The following SLAIN1 variants were observed in gnomAD, a reference collection of about 807,000 sequenced individuals.
SLAIN1 encodes the protein SLAIN motif-containing protein 1.
In SLAIN1, 17 loss-of-function variants were observed where a neutral mutation model predicts 55.4. That is an observed-to-expected ratio of 0.31 (90% confidence interval 0.21 to 0.46). The LOEUF (loss-of-function observed/expected upper bound fraction) is 0.46. Among genes scored for constraint, SLAIN1 ranks in the 20% least tolerant of loss-of-function variants. The probability of loss-of-function intolerance (pLI) is 1.00; values close to 1 mark genes in which losing one functional copy is unlikely to be tolerated. For synonymous variants in SLAIN1, 348 were observed against 337.4 expected, an observed-to-expected ratio of 1.03 and a Z score of -0.35; for missense variants, 682 against 785.1, an observed-to-expected ratio of 0.87 and a Z score of 1.57.
chr13:77,749,793 G>C (rs983219855), intron 4 of SLAIN1, among the ~76,000 whole-genome samples: 6 of 152,180 alleles, frequency 3.9e-5, no homozygotes, highest in African/African-American at 1.4e-4. Context: ...GGAGATCACA[G>C]CTTTGTTCCA....
intron 1 of SLAIN1, chr13:77,699,253 ATTTT>A (rs908909911): frequency 5.5e-6 from 2 of 366,396 alleles, no homozygotes; most frequent in Non-Finnish European, 9.7e-6. Flanking sequence ...TTATTTATTT[ATTTT>A]TTTACCTAGG....
intron 5 of SLAIN1, among the ~76,000 whole-genome samples, chr13:77,756,269 G>C (rs1874598882): frequency 6.6e-6 from 1 of 151,716 alleles, no homozygotes. Context: ...AAATGAAATT[G>C]GTTGGCATTT....
chr13:77,705,385 T>C (rs139911356), intron 1 of SLAIN1, among the ~76,000 whole-genome samples: 176 of 152,096 alleles, frequency 1.2e-3, no homozygotes, highest in African/African-American at 4.0e-3. Flanking sequence ...AATAGTAGTT[T>C]GAAATGTATA....
At chr13:77,706,999 A>G (rs2091096527) in intron 1 of SLAIN1, among the ~76,000 whole-genome samples, 1 of 151,810 alleles carries the variant, frequency 6.6e-6, no homozygotes, top group Non-Finnish European at 1.5e-5. Flanking sequence ...GGGTTATTTT[A>G]TTTAATATAC....
intron 1 of SLAIN1, among the ~76,000 whole-genome samples, chr13:77,709,273 C>G (rs1594252875): frequency 1.3e-5 from 2 of 152,086 alleles, no homozygotes; most frequent in South Asian, 2.1e-4. Flanking sequence ...TGTGAAAAGA[C>G]CAAACCTACA....
At chr13:77,718,242 A>G (rs2091227516) in intron 1 of SLAIN1, among the ~76,000 whole-genome samples, 1 of 152,116 alleles carries the variant, frequency 6.6e-6, no homozygotes, top group South Asian at 2.1e-4. Flanking sequence ...ATACGGTTTT[A>G]TGTTTTTAAA....
At chr13:77,742,945 C>G (rs1271445999) in intron 2 of SLAIN1, 37 of 900,536 alleles carry the variant, frequency 4.1e-5, no homozygotes, top group Non-Finnish European at 5.1e-5. Context: ...ATTCTCTTCC[C>G]TTTCTCCTTC....
chr13:77,746,091 G>C (rs1873792370), intron 3 of SLAIN1, among the ~76,000 whole-genome samples: 1 of 152,070 alleles, frequency 6.6e-6, no homozygotes, highest in Admixed American at 6.6e-5. Context: ...TAAAAGTTGG[G>C]GGTGGGGAGC....
At chr13:77,705,618 G>A (rs2091081577) in intron 1 of SLAIN1, among the ~76,000 whole-genome samples, 1 of 151,350 alleles carries the variant, frequency 6.6e-6, no homozygotes, top group Non-Finnish European at 1.5e-5. Context: ...TTTTTGGAGG[G>A]TTAGAGCTAT....
chr13:77,748,186 TAAG>T (rs58705944), intron 4 of SLAIN1, among the ~76,000 whole-genome samples: 16,434 of 152,014 alleles, frequency 0.11, 914 homozygotes, highest in East Asian at 0.12. Flanking sequence ...TGATGCTAAT[TAAG>T]AGATCATTTG....
chr13:77,727,337 T>C (rs1448024527), intron 2 of SLAIN1, among the ~76,000 whole-genome samples: 1 of 152,134 alleles, frequency 6.6e-6, no homozygotes, highest in African/African-American at 2.4e-5. Context: ...AATTGTTTTT[T>C]GAATTGCCAG....
rs189546634 is a variant in SLAIN1 at position 77,740,158 on chromosome 13, A to G, written c.767-4125A>G. Among the ~76,000 whole-genome samples, 304 of 152,222 alleles carry G rather than the reference A, an allele frequency of 2.0e-3. 1 individual carries two copies. Among genetic ancestry groups the G allele is most frequent in the African/African-American group, 7.1e-3 (295 of 41,552 alleles). On this transcript the variant is annotated intron_variant, in intron 2 of 6. Transcript: ENST00000418532. ...AGTGAAATGAGCTGAAGTACCTTTAAGGTCTTGCATTTGATGAAAAGCCCC... is the reference window on the plus strand; with the variant it reads ...AGTGAAATGAGCTGAAGTACCTTTAGGGTCTTGCATTTGATGAAAAGCCCC...
At chr13:77,741,646 A>ATT (rs11330491) in intron 2 of SLAIN1, 156 of 141,532 alleles carry the variant, frequency 1.1e-3, no homozygotes, top group East Asian at 4.4e-3. Flanking sequence ...AGTAAAAGGA[A>ATT]TTTTTTTTTT....
At chr13:77,741,513 A>G in intron 2 of SLAIN1, 4 of 803,106 alleles carry the variant, frequency 5.0e-6, no homozygotes, top group Non-Finnish European at 6.0e-6. Context: ...GTTTCATGAA[A>G]TGTGTGGATT....
At chr13:77,734,792 G>T (rs1873038292) in intron 2 of SLAIN1, among the ~76,000 whole-genome samples, 1 of 152,126 alleles carries the variant, frequency 6.6e-6, no homozygotes, top group African/African-American at 2.4e-5. Context: ...GGCTGAGGCG[G>T]ATGGATCACC....
chr13:77,749,342 T>C (rs17068254), intron 4 of SLAIN1, among the ~76,000 whole-genome samples: 1 of 152,096 alleles, frequency 6.6e-6, no homozygotes, highest in African/African-American at 2.4e-5. Flanking sequence ...TTGCTAAATA[T>C]CAAAATGACT....
intron 2 of SLAIN1, among the ~76,000 whole-genome samples, chr13:77,726,177 G>T (rs1396468766): frequency 6.6e-6 from 1 of 151,986 alleles, no homozygotes; most frequent in African/African-American, 2.4e-5. Context: ...TTTTTTTTCT[G>T]AAGAAAATGA....
intron 2 of SLAIN1, among the ~76,000 whole-genome samples, chr13:77,742,260 G>A (rs1184951677): frequency 6.6e-6 from 1 of 151,900 alleles, no homozygotes; most frequent in Non-Finnish European, 1.5e-5. Context: ...TAATATTAAA[G>A]TAATAACATG....
chr13:77,706,533 C>A (rs1047595614), intron 1 of SLAIN1, among the ~76,000 whole-genome samples: 4 of 152,048 alleles, frequency 2.6e-5, no homozygotes, highest in Admixed American at 2.6e-4. Context: ...TAGTGCTATC[C>A]CCTCTGAAAC....
Sources: gnomAD v4.1 joint callset for allele counts (sites outside exome capture counted in the v4.1 genomes callset) on GRCh38, gnomAD v4.1.1 for gene constraint, MANE v1.5 for transcripts, NCBI Gene and HGNC (gene_info 2026-07-23, HGNC 2026-07-21) for gene names.